The following DBP variants were observed in gnomAD, a reference collection of about 807,000 sequenced individuals.
The protein encoded by DBP is D-box binding PAR bZIP transcription factor.
DBP carries 12 observed loss-of-function variants against 21.4 expected under a neutral mutation model. The observed-to-expected ratio is 0.56, with a 90% CI of 0.36 to 0.91. The LOEUF (loss-of-function observed/expected upper bound fraction) is 0.91. Ranked by LOEUF, DBP falls within the 40% of genes least tolerant of loss-of-function variation. The probability of loss-of-function intolerance (pLI) is 0.01; values close to 1 mark genes in which losing one functional copy is unlikely to be tolerated. For synonymous variants in DBP, 213 were observed against 224.9 expected, an observed-to-expected ratio of 0.95 and a Z score of 0.47; for missense variants, 423 against 473.4, an observed-to-expected ratio of 0.89 and a Z score of 0.99.
At chr19:48,634,766 G>C (rs2030722831) in intron 2 of DBP, 1 of 985,486 alleles carries the variant, frequency 1.0e-6, no homozygotes, top group Non-Finnish European at 1.2e-6. Context: ...ACCTGGAGCA[G>C]GTGTGCCCAG....
rs1431183542 is a variant in DBP at position 48,630,034 on chromosome 19, G to C, written c.*803C>G. 3.0e-6 allele frequency: 4 copies of C among 1,339,228 alleles called. No homozygotes were observed. Among genetic ancestry groups the C allele is most frequent in the Non-Finnish European group, 3.8e-6 (4 of 1,047,190 alleles). 83.0% of individuals were successfully genotyped at this position (1,339,228 alleles called of 1,614,324 possible). Reference sequence around the variant, plus strand: ...GCGTCTGATCTGGGGCCGCCCTTACGGGGCAGGGCTCAGTCCTGACGCTTG... The same window carrying C: ...GCGTCTGATCTGGGGCCGCCCTTACCGGGCAGGGCTCAGTCCTGACGCTTG... On this transcript the variant is annotated 3_prime_UTR_variant, in exon 4 of 4. Coordinates refer to ENST00000222122, the MANE Select transcript of DBP (RefSeq NM_001352.5). The surrounding 1 kb of genome is among the most constrained non-coding windows in gnomAD (Gnocchi z 4.9).
rs201804665 is a variant in DBP, at chr19:48,630,983, G to A, written c.832C>T (p.Leu278Phe). 1 of 1,613,766 alleles carries A rather than the reference G, an allele frequency of 6.2e-7. No individual in the cohort carries two copies. Among genetic ancestry groups the A allele is most frequent in the Non-Finnish European group, 8.5e-7 (1 of 1,179,980 alleles). The change falls in exon 4 of 4, where the codon CTC becomes TTC. Residue 278 changes from leucine to phenylalanine, a missense_variant. Physicochemically the swap from Leu to Phe is conservative, Grantham distance 22 (BLOSUM62 0). Coordinates refer to ENST00000222122, the MANE Select transcript of DBP (RefSeq NM_001352.5). The surrounding 1 kb of genome is among the most constrained non-coding windows in gnomAD (Gnocchi z 4.9). ...CGCACCGATATCTGGTTCTCCTTGA[G>A]CCGCCGGGCGTCACGGGACCGCTTG... is the stretch of plus-strand genomic sequence containing the variant. ...AAKRSRDARR[L>F]KENQISVRAA...
chr19:48,634,609 G>A lies in DBP; in HGVS notation c.551-954C>T, dbSNP rs1017330914. The A allele has an allele frequency of 1.1e-5, 9 of 824,918 alleles. No homozygotes were observed. In the African/African-American group the frequency reaches 1.5e-4, roughly 14 times the overall value. 51.1% of individuals were successfully genotyped at this position (824,918 alleles called of 1,614,324 possible). On this transcript the variant is annotated intron_variant, in intron 2 of 3. Transcript: ENST00000222122. ...CCTCCTCCCTTCCTCCCAGGCCCCC[G>A]CCATCGGCGCCCTCACGTTCCCCCG...
chr19:48,633,034 C>A (rs896231507), intron 3 of DBP: 2 of 341,528 alleles, frequency 5.9e-6, no homozygotes, highest in Middle Eastern at 8.7e-4. Context: ...CCCTCTGTTG[C>A]CCAGGCTGGA....
rs867411766 is a variant in DBP, at chr19:48,636,118, G to C, written c.140-128C>G. The stretch of plus-strand genomic sequence containing the variant: ...AGAGGGGACGGGGGGTCGGAGAGGA[G>C]AGACGGGAGAAAAAGGGACGGAGAC... On this transcript the variant is annotated intron_variant, in intron 1 of 3. Coordinates refer to ENST00000222122, the MANE Select transcript of DBP (RefSeq NM_001352.5). 8.2e-5 allele frequency: 75 copies of C among 911,008 alleles called. 1 individual carries two copies. The highest frequency in any genetic ancestry group is 3.6e-4 in the Middle Eastern group (1 of 2,776). 56.4% of individuals were successfully genotyped at this position (911,008 alleles called of 1,614,324 possible). A position where few individuals can be genotyped will look rare whatever the true frequency, so the allele number is the denominator to read the frequency against.
chr19:48,631,294 C>T (rs1352068165), intron 3 of DBP: 1 of 546,222 alleles, frequency 1.8e-6, no homozygotes, highest in Non-Finnish European at 3.3e-6. Flanking sequence ...GCAAAGCGGA[C>T]CCCAGCCCTC....
chr19:48,632,477 C>G (rs922398894), intron 3 of DBP: 2 of 152,290 alleles, frequency 1.3e-5, no homozygotes, highest in Middle Eastern at 3.4e-3. Context: ...GTTGGCCAGG[C>G]TGGTCTCAAA....
Position 48,636,917 on chromosome 19 carries a change from T to TC in DBP, c.77dup (p.Ala27SerfsTer180). Reference sequence around the variant, plus strand: ...GAAGGCTCCGCAACCCAAGCAGCGCTCCCCCGCCAGGGGGTGTCCCGGCCG... The same window carrying TC: ...GAAGGCTCCGCAACCCAAGCAGCGCTCCCCCCGCCAGGGGGTGTCCCGGCCG... On this transcript the variant is annotated frameshift_variant, in exon 1 of 4. Transcript: ENST00000222122. LOFTEE classifies it high-confidence loss of function. 5 of 1,595,214 alleles carry TC rather than the reference T, an allele frequency of 3.1e-6. No homozygotes were observed. Among genetic ancestry groups the TC allele is most frequent in the Non-Finnish European group, 4.3e-6 (5 of 1,172,148 alleles).
rs958801331 is a variant in DBP, at chr19:48,630,969, C to T, written c.846G>A (p.Gln282=). The change falls in exon 4 of 4, where the codon CAG becomes CAA. Residue 282 remains glutamine (Q), a synonymous_variant. Transcript: ENST00000222122. This position sits in a 1 kb window ranked among gnomAD's most constrained non-coding sequence, Gnocchi z 4.9. ...SRDARRLKEN[Q]ISVRAAFLEK... The stretch of plus-strand genomic sequence containing the variant: ...CCAGGAAGGCCGCCCGCACCGATAT[C>T]TGGTTCTCCTTGAGCCGCCGGGCGT... 10 of 1,613,592 alleles carry T rather than the reference C, an allele frequency of 6.2e-6. No homozygotes were observed. In the Admixed American group the frequency reaches 1.3e-4, roughly 22 times the overall value.
chr19:48,631,171 C>A, intron 3 of DBP, 119 bp from the exon 4 acceptor site: 1 of 851,164 alleles, frequency 1.2e-6, no homozygotes, highest in Non-Finnish European at 1.8e-6. Context: ...GATAGGTACC[C>A]AAGGGTCTGC....
At chr19:48,634,749 A>C in intron 2 of DBP, 5 of 985,554 alleles carry the variant, frequency 5.1e-6, no homozygotes, top group Non-Finnish European at 6.0e-6. Flanking sequence ...TTCGGCCCGG[A>C]GGTCGGACCT....
intron 2 of DBP, 114 bp downstream of exon 2, chr19:48,635,466 C>G: frequency 6.8e-7 from 1 of 1,478,236 alleles, no homozygotes; most frequent in Non-Finnish European, 9.0e-7. Flanking sequence ...CAACTGGACA[C>G]AGAATTCGAG....
chr19:48,636,078 C>T (rs1042386175), intron 1 of DBP, 88 bp from the exon 2 acceptor site: 1 of 1,294,802 alleles, frequency 7.7e-7, no homozygotes. Context: ...AGGCACAGGG[C>T]GGAGATCCAG....
intron 2 of DBP, 161 bp from the exon 3 acceptor site, chr19:48,633,816 C>T (rs1286465329): frequency 4.6e-6 from 3 of 653,758 alleles, no homozygotes; most frequent in Non-Finnish European, 7.9e-6. Flanking sequence ...TGAAGGTTCC[C>T]TTGGCCAGGC....
intron 2 of DBP, 83 bp downstream of exon 2, chr19:48,635,497 T>C: frequency 2.7e-6 from 4 of 1,478,244 alleles, no homozygotes; most frequent in East Asian, 2.9e-5. Context: ...GGTCCCACGG[T>C]CCCAGCCCCC....
At chr19:48,636,287 G>A (rs1228645101) in intron 1 of DBP, among the ~76,000 whole-genome samples, 1 of 152,108 alleles carries the variant, frequency 6.6e-6, no homozygotes, top group Admixed American at 6.5e-5. Flanking sequence ...CGGAAGTTCA[G>A]GAATAGGGGG....
rs10405961 is a variant in DBP, at chr19:48,637,344, C to T, written c.-350G>A. ...CTTGCAAAATCTGCAGCTCTCGCAA[C>T]GGAAGGCGCTTTGCAATCTGCACCG... On this transcript the variant is annotated 5_prime_UTR_variant, in exon 1 of 4. Transcript: ENST00000222122. 2.9e-3 allele frequency: 773 copies of T among 263,088 alleles called. 4 individuals carry two copies. Among genetic ancestry groups the T allele is most frequent in the African/African-American group, 0.016 (709 of 45,354 alleles). 16.3% of individuals were successfully genotyped at this position (263,088 alleles called of 1,614,324 possible).
chr19:48,633,662 G>A lies in DBP; in HGVS notation c.551-7C>T, dbSNP rs144517114. ...GTGTCCCGAGAGGTCAGGCCTTGGG[G>A]AAACAGCACGTGTCAGCTGAGTGTG... On this transcript the variant is annotated splice_polypyrimidine_tract_variant and splice_region_variant and intron_variant, in intron 2 of 3. Coordinates refer to ENST00000222122, the MANE Select transcript of DBP (RefSeq NM_001352.5). The A allele has an allele frequency of 1.5e-5, 24 of 1,612,626 alleles. No homozygotes were observed. In the African/African-American group the frequency reaches 2.5e-4, roughly 17 times the overall value.
chr19:48,636,123 G>A (rs920068807), intron 1 of DBP, 133 bp from the exon 2 acceptor site: 6 of 817,172 alleles, frequency 7.3e-6, no homozygotes, highest in South Asian at 2.1e-5. Context: ...GAGGAGAGAC[G>A]GGAGAAAAAG....
Sources: gnomAD v4.1 joint callset for allele counts (sites outside exome capture counted in the v4.1 genomes callset) on GRCh38, gnomAD v4.1.1 for gene constraint, Gnocchi (gnomAD v3.1) non-coding constraint, MANE v1.5 for transcripts, NCBI Gene and HGNC (gene_info 2026-07-23, HGNC 2026-07-21) for gene names.